The following GALNTL6 variants were observed in gnomAD, a reference collection of about 807,000 sequenced individuals.
The protein encoded by GALNTL6 is polypeptide N-acetylgalactosaminyltransferase-like 6.
Under a neutral mutation model 73.7 loss-of-function variants are expected in GALNTL6, and 46 were observed. That is an observed-to-expected ratio of 0.62 (90% confidence interval 0.49 to 0.80). The LOEUF (loss-of-function observed/expected upper bound fraction) is 0.80. Ranked by LOEUF, GALNTL6 falls within the 30% of genes least tolerant of loss-of-function variation. The pLI, the probability that GALNTL6 is intolerant of heterozygous loss-of-function variation, is 0.00. For missense variants in GALNTL6, 604 were observed against 755.0 expected, an observed-to-expected ratio of 0.80 and a Z score of 2.34; for synonymous variants, 259 against 263.7, an observed-to-expected ratio of 0.98 and a Z score of 0.17.
chr4:172,506,192 A>C (rs113870553), intron 5 of GALNTL6, among the ~76,000 whole-genome samples: 1,591 of 54,228 alleles, frequency 0.029, 615 homozygotes, highest in African/African-American at 0.069. Context: ...CAGCACCTGC[A>C]TACCAGTGAA....
At chr4:172,754,843 CAAAA>C (rs56376727) in intron 5 of GALNTL6, among the ~76,000 whole-genome samples, 8 of 128,926 alleles carry the variant, frequency 6.2e-5, no homozygotes, top group Admixed American at 7.7e-5. Context: ...TCACTTCCAC[CAAAA>C]AAAAAAAAAA....
chr4:171,930,530 T>G, intron 2 of GALNTL6, among the ~76,000 whole-genome samples: 1 of 152,106 alleles, frequency 6.6e-6, no homozygotes, highest in Non-Finnish European at 1.5e-5. Context: ...AGCTAGCAGC[T>G]TTTTCTTTAA....
At chr4:173,016,836 A>G (rs1287747361) in intron 11 of GALNTL6, among the ~76,000 whole-genome samples, 1 of 152,120 alleles carries the variant, frequency 6.6e-6, no homozygotes, top group African/African-American at 2.4e-5. Context: ...GCAGAATGAT[A>G]TGGTTTGGCT....
intron 5 of GALNTL6, among the ~76,000 whole-genome samples, chr4:172,763,069 G>A (rs964423242): frequency 4.0e-5 from 6 of 151,848 alleles, no homozygotes; most frequent in South Asian, 4.2e-4. Flanking sequence ...ACCATTTACC[G>A]ACACAGAGCA....
intron 2 of GALNTL6, among the ~76,000 whole-genome samples, chr4:171,988,566 G>A (rs1463791949): frequency 6.6e-6 from 1 of 152,134 alleles, no homozygotes; most frequent in East Asian, 1.9e-4. Context: ...GGATAGGAGA[G>A]TATATGGGTT....
chr4:172,417,462 C>T (rs1295781301), intron 5 of GALNTL6, among the ~76,000 whole-genome samples: 1 of 151,908 alleles, frequency 6.6e-6, no homozygotes, highest in Non-Finnish European at 1.5e-5. Context: ...CCAGCCTGGC[C>T]GACATGGCAA....
At chr4:172,514,798 C>T (rs1734545094) in intron 5 of GALNTL6, among the ~76,000 whole-genome samples, 1 of 152,150 alleles carries the variant, frequency 6.6e-6, no homozygotes, top group South Asian at 2.1e-4. Flanking sequence ...GCTGCTTCTA[C>T]TTTTATATTT....
intron 5 of GALNTL6, among the ~76,000 whole-genome samples, chr4:172,709,529 C>T (rs1026701124): frequency 2.6e-5 from 4 of 152,114 alleles, no homozygotes; most frequent in African/African-American, 9.7e-5. Context: ...GTGGATAAAA[C>T]AAACAGTTCA....
At chr4:171,980,298 GTTAAGATAAC>G (rs1325552339) in intron 2 of GALNTL6, among the ~76,000 whole-genome samples, 1 of 152,122 alleles carries the variant, frequency 6.6e-6, no homozygotes, top group Non-Finnish European at 1.5e-5. Flanking sequence ...GATACCTCTG[GTTAAGATAAC>G]ATTAAGAAAT....
Position 172,048,958 on chromosome 4 carries a change from T to A in GALNTL6, c.139-180698T>A, listed in dbSNP as rs184779614. On this transcript the variant is annotated intron_variant, in intron 2 of 12. Coordinates refer to ENST00000506823, the MANE Select transcript of GALNTL6 (RefSeq NM_001034845.3). ...AGCTATAAAGCCTAGAATGATAGTTTATAATAGGAAGCTTGATAGAGTTGT... is the reference window on the plus strand; with the variant it reads ...AGCTATAAAGCCTAGAATGATAGTTAATAATAGGAAGCTTGATAGAGTTGT... Among the ~76,000 whole-genome samples the A allele has an allele frequency of 3.1e-3, 474 of 152,250 alleles. 4 individuals are homozygous for A. Among genetic ancestry groups the A allele is most frequent in the African/African-American group, 0.011 (455 of 41,572 alleles).
At chr4:172,885,344 C>T (rs1745664238) in intron 8 of GALNTL6, among the ~76,000 whole-genome samples, 2 of 151,924 alleles carry the variant, frequency 1.3e-5, no homozygotes, top group African/African-American at 4.8e-5. Flanking sequence ...TAAATTTATT[C>T]TTAGGTATTT....
chr4:172,047,159 G>T (rs1291400349), intron 2 of GALNTL6, among the ~76,000 whole-genome samples: 1 of 152,092 alleles, frequency 6.6e-6, no homozygotes, highest in African/African-American at 2.4e-5. Flanking sequence ...TGACCCAATT[G>T]CTGCCACTTT....
At chr4:172,952,982 T>A (rs922089747) in intron 10 of GALNTL6, among the ~76,000 whole-genome samples, 2 of 152,214 alleles carry the variant, frequency 1.3e-5, no homozygotes, top group African/African-American at 4.8e-5. Flanking sequence ...CTGCTATTGG[T>A]ATATGCAAGT....
chr4:172,079,089 A>G (rs1313921983), intron 2 of GALNTL6, among the ~76,000 whole-genome samples: 2 of 152,080 alleles, frequency 1.3e-5, no homozygotes, highest in Non-Finnish European at 2.9e-5. Flanking sequence ...TTATGTTTTT[A>G]TCCATATCAA....
intron 2 of GALNTL6, among the ~76,000 whole-genome samples, chr4:171,930,238 G>A (rs969412074): frequency 5.9e-5 from 9 of 152,302 alleles, no homozygotes; most frequent in Non-Finnish European, 5.9e-5. Context: ...TGGCACCTTC[G>A]CCTCCAGCGA....
At chr4:172,557,602 G>A (rs1736196645) in intron 5 of GALNTL6, among the ~76,000 whole-genome samples, 1 of 152,018 alleles carries the variant, frequency 6.6e-6, no homozygotes, top group Non-Finnish European at 1.5e-5. Context: ...AACTTCATAA[G>A]GAAGATATAC....
rs559919033 is a variant in GALNTL6, at chr4:172,953,692, T to C, written c.1371+1434T>C. ...CTCTTCATACCTGGGACACCCAGGA[T>C]GAAGGAAAGAGTCAATCCTGCCACT... On this transcript the variant is annotated intron_variant, in intron 10 of 12. Transcript: ENST00000506823. Among the ~76,000 whole-genome samples, 5 of 152,340 alleles carry C rather than the reference T, an allele frequency of 3.3e-5. No individual in the cohort carries two copies. The East Asian group carries it at 9.7e-4, about 29-fold the overall frequency.
intron 2 of GALNTL6, among the ~76,000 whole-genome samples, chr4:172,056,339 C>A (rs74831987): frequency 6.6e-6 from 1 of 152,062 alleles, no homozygotes; most frequent in Non-Finnish European, 1.5e-5. Flanking sequence ...AGCATTCTTT[C>A]GTATATACAA....
At chr4:172,605,777 T>C (rs1172459995) in intron 5 of GALNTL6, among the ~76,000 whole-genome samples, 2 of 152,022 alleles carry the variant, frequency 1.3e-5, no homozygotes, top group African/African-American at 4.8e-5. Context: ...ACATTAGGCA[T>C]GTGGACACAT....
Sources: allele counts gnomAD v4.1 joint callset (sites outside exome capture counted in the v4.1 genomes callset), GRCh38; gene constraint gnomAD v4.1.1; transcripts MANE v1.5; gene names NCBI Gene and HGNC (gene_info 2026-07-23, HGNC 2026-07-21).